Variants in SEZ6L observed in about 807,000 individuals in gnomAD.
SEZ6L encodes seizure 6-like protein.
Under a neutral mutation model 106.2 loss-of-function variants are expected in SEZ6L, and 37 were observed. The observed-to-expected ratio is 0.35, with a 90% CI of 0.27 to 0.46. The LOEUF (loss-of-function observed/expected upper bound fraction) is 0.46. Ranked by LOEUF, SEZ6L falls within the 20% of genes least tolerant of loss-of-function variation. The probability of loss-of-function intolerance (pLI) is 1.00; values close to 1 mark genes in which losing one functional copy is unlikely to be tolerated. For synonymous variants in SEZ6L, 541 were observed against 570.4 expected, an observed-to-expected ratio of 0.95 and a Z score of 0.73; for missense variants, 1,172 against 1,332.8, an observed-to-expected ratio of 0.88 and a Z score of 1.88.
At chr22:26,185,716 C>T (rs1366294853) in intron 1 of SEZ6L, among the ~76,000 whole-genome samples, 1 of 152,132 alleles carries the variant, frequency 6.6e-6, no homozygotes, top group Non-Finnish European at 1.5e-5. Flanking sequence ...CCTTTACTCA[C>T]ATGATCTCAT....
intron 5 of SEZ6L, among the ~76,000 whole-genome samples, chr22:26,302,209 C>A (rs565035510): frequency 1.3e-5 from 2 of 152,292 alleles, no homozygotes; most frequent in South Asian, 4.1e-4. Flanking sequence ...AAAGTGTGGT[C>A]CTCGGACTAG....
At chr22:26,313,529 T>C (rs1386688972) in intron 8 of SEZ6L, among the ~76,000 whole-genome samples, 6 of 151,098 alleles carry the variant, frequency 4.0e-5, no homozygotes, top group Non-Finnish European at 8.8e-5. Context: ...TTACCAACCC[T>C]CAGGTGCAAG....
At chr22:26,217,155 C>T (rs2078322313) in intron 1 of SEZ6L, among the ~76,000 whole-genome samples, 1 of 152,178 alleles carries the variant, frequency 6.6e-6, no homozygotes, top group Non-Finnish European at 1.5e-5. Flanking sequence ...GCAACTTGCA[C>T]TCCTCCAGGA....
chr22:26,179,802 C>T (rs1275623712), intron 1 of SEZ6L, among the ~76,000 whole-genome samples: 1 of 152,194 alleles, frequency 6.6e-6, no homozygotes, highest in African/African-American at 2.4e-5. Flanking sequence ...TCTGCTCACT[C>T]ACCATAGATC....
intron 16 of SEZ6L, among the ~76,000 whole-genome samples, chr22:26,379,401 A>C (rs1295362909): frequency 3.9e-5 from 6 of 152,256 alleles, no homozygotes. Context: ...CCACAAAGGC[A>C]TGAGCCCCAG....
chr22:26,257,675 T>G (rs1319695598), intron 1 of SEZ6L, among the ~76,000 whole-genome samples: 1 of 152,082 alleles, frequency 6.6e-6, no homozygotes, highest in African/African-American at 2.4e-5. Context: ...GGGAAAACCA[T>G]GAAGAGAGGG....
At chr22:26,364,505 AT>A (rs1362392337) in intron 12 of SEZ6L, among the ~76,000 whole-genome samples, 1 of 151,444 alleles carries the variant, frequency 6.6e-6, no homozygotes, top group Non-Finnish European at 1.5e-5. Flanking sequence ...AAGCAGGGGA[AT>A]TGCTTGACCC....
At chr22:26,285,436 G>A (rs952979669) in intron 1 of SEZ6L, among the ~76,000 whole-genome samples, 12 of 152,178 alleles carry the variant, frequency 7.9e-5, no homozygotes, top group African/African-American at 2.6e-4. Flanking sequence ...TGGGAAGGAA[G>A]TCTTTCTCAG....
chr22:26,250,785 C>A (rs2079550352), intron 1 of SEZ6L, among the ~76,000 whole-genome samples: 1 of 152,166 alleles, frequency 6.6e-6, no homozygotes, highest in Non-Finnish European at 1.5e-5. Context: ...TATTTCAATT[C>A]ATGAATATGG....
At chr22:26,343,324 C>T (rs897510244) in intron 10 of SEZ6L, among the ~76,000 whole-genome samples, 176 of 63,128 alleles carry the variant, frequency 2.8e-3, no homozygotes, top group African/African-American at 0.011. Context: ...GCTTGATGGC[C>T]AAAAAAAAAA....
At chr22:26,252,570 C>T (rs1040275499) in intron 1 of SEZ6L, among the ~76,000 whole-genome samples, 1 of 152,186 alleles carries the variant, frequency 6.6e-6, no homozygotes, top group African/African-American at 2.4e-5. Context: ...TTGTCCCCCT[C>T]CCTCACTCCT....
chr22:26,246,536 T>C (rs2079352797), intron 1 of SEZ6L, among the ~76,000 whole-genome samples: 1 of 152,024 alleles, frequency 6.6e-6, no homozygotes, highest in African/African-American at 2.4e-5. Context: ...AACTCCAGAC[T>C]TTCTGTCTTC....
At chr22:26,326,969 C>T (rs1034316428) in intron 9 of SEZ6L, among the ~76,000 whole-genome samples, 6 of 152,184 alleles carry the variant, frequency 3.9e-5, no homozygotes, top group Admixed American at 6.5e-5. Flanking sequence ...CAGGCGGGGA[C>T]GGCCCCTGTG....
At chr22:26,289,052 A>G (rs992438950) in intron 1 of SEZ6L, among the ~76,000 whole-genome samples, 4 of 152,264 alleles carry the variant, frequency 2.6e-5, no homozygotes, top group African/African-American at 9.6e-5. Context: ...CTGAGCTAGA[A>G]AGGCCCTTCT....
chr22:26,281,676 C>A (rs1334870339), intron 1 of SEZ6L, among the ~76,000 whole-genome samples: 1 of 152,178 alleles, frequency 6.6e-6, no homozygotes, highest in Non-Finnish European at 1.5e-5. Flanking sequence ...CCGCACCTGG[C>A]CTTCTTTTCT....
intron 12 of SEZ6L, among the ~76,000 whole-genome samples, chr22:26,365,153 C>T (rs1440701283): frequency 1.3e-5 from 2 of 152,344 alleles, no homozygotes; most frequent in East Asian, 3.9e-4. Context: ...AACCTTGATT[C>T]CTCAGCCAAC....
chr22:26,296,835 C>G (rs916011159), intron 3 of SEZ6L, 53 bp from the exon 4 acceptor site: 2 of 1,442,404 alleles, frequency 1.4e-6, no homozygotes, highest in Non-Finnish European at 1.9e-6. Context: ...TTAGAAGGCT[C>G]TGTCTCAAAC....
intron 1 of SEZ6L, among the ~76,000 whole-genome samples, chr22:26,212,854 G>C (rs140941677): frequency 2.0e-5 from 3 of 152,158 alleles, no homozygotes; most frequent in Admixed American, 1.3e-4. Context: ...GCAAATGGTG[G>C]CCATGCATCA....
chr22:26,322,381 C>T (rs768728890), intron 9 of SEZ6L, among the ~76,000 whole-genome samples: 20 of 152,194 alleles, frequency 1.3e-4, no homozygotes, highest in South Asian at 2.1e-4. Flanking sequence ...AATGTAGCAG[C>T]GACACGGGAA....
Sources: gnomAD v4.1 joint callset for allele counts (sites outside exome capture counted in the v4.1 genomes callset) on GRCh38, gnomAD v4.1.1 for gene constraint, MANE v1.5 for transcripts, NCBI Gene and HGNC (gene_info 2026-07-23, HGNC 2026-07-21) for gene names.